The following PPM1K variants were observed in gnomAD, a reference collection of about 807,000 sequenced individuals.
The protein encoded by PPM1K is protein phosphatase, Mg2+/Mn2+ dependent 1K, also known as protein phosphatase Mn(2+)-dependent 1K.
In PPM1K, 19 loss-of-function variants were observed where a neutral mutation model predicts 32.6. That is an observed-to-expected ratio of 0.58 (90% CI 0.41 to 0.86). The LOEUF is 0.86. Ranked by LOEUF, PPM1K falls within the 40% of genes least tolerant of loss-of-function variation. The pLI is 0.00. For synonymous variants in PPM1K, 159 were observed against 165.3 expected, an observed-to-expected ratio of 0.96 and a Z score of 0.29; for missense variants, 362 against 461.2, an observed-to-expected ratio of 0.78 and a Z score of 1.97.
intron 1 of PPM1K, among the ~76,000 whole-genome samples, chr4:88,281,027 T>C (rs1306917714): frequency 1.3e-5 from 2 of 152,168 alleles, no homozygotes; most frequent in Non-Finnish European, 2.9e-5. Flanking sequence ...AGGTGATGAA[T>C]TGAGACTTCA....
chr4:88,277,327 TC>T, intron 2 of PPM1K, 84 bp from the exon 3 acceptor site: 1 of 901,150 alleles, frequency 1.1e-6, no homozygotes, highest in Non-Finnish European at 1.8e-6. Context: ...TAGCAGTCAT[TC>T]CACACAACGG....
intron 3 of PPM1K, among the ~76,000 whole-genome samples, chr4:88,273,679 C>CA (rs72431742): frequency 0.04 from 4,082 of 100,992 alleles, 121 homozygotes; most frequent in African/African-American, 0.11. Flanking sequence ...AAAACTGTCT[C>CA]AAAAAAAAAA....
chr4:88,279,966 A>G (rs1429905155), intron 1 of PPM1K, among the ~76,000 whole-genome samples: 1 of 152,176 alleles, frequency 6.6e-6, no homozygotes, highest in African/African-American at 2.4e-5. Context: ...GAGAAAATGC[A>G]CTACAGATTT....
chr4:88,268,145 T>C lies in PPM1K; in HGVS notation c.852+45A>G, dbSNP rs781619428. On this transcript the variant is annotated intron_variant, in intron 5 of 6. Transcript: ENST00000608933. ...AAGGTGCAGCAGAGACAATCCTACA[T>C]TCACTCTCCGCAGGTTTATCAAGTG... The C allele has an allele frequency of 2.5e-6, 4 of 1,597,064 alleles. No homozygotes were observed. In the South Asian group the frequency reaches 3.3e-5, roughly 13 times the overall value.
At chr4:88,267,981 G>A (rs1253000661) in intron 5 of PPM1K, among the ~76,000 whole-genome samples, 2 of 152,068 alleles carry the variant, frequency 1.3e-5, no homozygotes, top group Admixed American at 6.5e-5. Context: ...CTAAAAAGGG[G>A]GAAAAAGAGA....
In PPM1K at chr4:88,260,002, A is replaced by G. The variant is rs1465525202; in HGVS notation, c.*2593T>C. ...CTCATCTTAGTTTTTAAAGTAAAAG[A>G]TAGGAATAGTAATGTAAAGCATTCA... On this transcript the variant is annotated 3_prime_UTR_variant, in exon 7 of 7. Coordinates refer to ENST00000608933, the MANE Select transcript of PPM1K (RefSeq NM_152542.5). 1 of 152,232 alleles carries G rather than the reference A, an allele frequency of 6.6e-6. No homozygotes were observed. Among genetic ancestry groups the G allele is most frequent in the Non-Finnish European group, 1.5e-5 (1 of 68,054 alleles). The allele number at this position is 152,232 out of a possible 1,614,324, so 9.4% of individuals were successfully genotyped here. A position where few individuals can be genotyped will look rare whatever the true frequency, so the allele number is the denominator to read the frequency against.
intron 1 of PPM1K, among the ~76,000 whole-genome samples, chr4:88,283,107 C>T (rs2110177487): frequency 6.6e-6 from 1 of 152,334 alleles, no homozygotes. Context: ...ACACCACAAA[C>T]CATGGCTGTT....
At chr4:88,276,967 T>G in intron 3 of PPM1K, 176 bp downstream of exon 3, 1 of 658,306 alleles carries the variant, frequency 1.5e-6, no homozygotes, top group Non-Finnish European at 2.4e-6. Flanking sequence ...TAACATTAAT[T>G]GGAGTTCCCA....
chr4:88,265,339 G>A (rs1731263307), intron 5 of PPM1K, among the ~76,000 whole-genome samples: 1 of 152,162 alleles, frequency 6.6e-6, no homozygotes, highest in African/African-American at 2.4e-5. Context: ...GGACCTGGTA[G>A]GAGGTAACTG....
chr4:88,275,007 TC>T (rs1262685944), intron 3 of PPM1K: 2 of 695,386 alleles, frequency 2.9e-6, no homozygotes, highest in African/African-American at 3.9e-5. Context: ...ATAGACCTTT[TC>T]TTTTAGTACA....
At chr4:88,276,905 G>T in intron 3 of PPM1K, 2 of 849,878 alleles carry the variant, frequency 2.4e-6, no homozygotes, top group Admixed American at 4.1e-5. Context: ...ACTGTTTCGG[G>T]GCTTCTCTTT....
At chr4:88,282,112 CTT>C (rs936158571) in intron 1 of PPM1K, among the ~76,000 whole-genome samples, 1 of 152,124 alleles carries the variant, frequency 6.6e-6, no homozygotes, top group African/African-American at 2.4e-5. Context: ...GAGAAGGAAT[CTT>C]TTTAAGTAAG....
In PPM1K at chr4:88,260,233, G is replaced by C. The variant is rs1731067617; in HGVS notation, c.*2362C>G. On this transcript the variant is annotated 3_prime_UTR_variant, in exon 7 of 7. Transcript: ENST00000608933. ...CGCCTGGCTAATTTTTGCATTTTTT[G>C]GTCAAGATGAGGTTTCACCATGTTG... 6.6e-6 allele frequency: 1 copy of C among 151,930 alleles called. No homozygotes were observed. Among genetic ancestry groups the C allele is most frequent in the Admixed American group, 6.6e-5 (1 of 15,224 alleles). 9.4% of individuals were successfully genotyped at this position (151,930 alleles called of 1,614,324 possible). A position where few individuals can be genotyped will look rare whatever the true frequency, so the allele number is the denominator to read the frequency against.
At chr4:88,275,597 T>C (rs1284483676) in intron 3 of PPM1K, 2 of 985,260 alleles carry the variant, frequency 2.0e-6, no homozygotes, top group Admixed American at 1.2e-4. Context: ...TGGGATAAAT[T>C]TGGACATTCT....
At chr4:88,270,383 C>T (rs1731511427) in intron 3 of PPM1K, among the ~76,000 whole-genome samples, 1 of 152,134 alleles carries the variant, frequency 6.6e-6, no homozygotes, top group Non-Finnish European at 1.5e-5. Flanking sequence ...TTGGAACTGT[C>T]GTGCCAATGT....
chr4:88,264,501 A>G (rs938513568), intron 6 of PPM1K, among the ~76,000 whole-genome samples: 9 of 152,178 alleles, frequency 5.9e-5, no homozygotes, highest in Non-Finnish European at 1.2e-4. Flanking sequence ...TTAACGGTCA[A>G]GTGGTTGGAC....
In PPM1K at chr4:88,268,309, C is replaced by T; in HGVS notation, c.733G>A (p.Ala245Thr). ...TGAGGCTGCCCCAAACTATTCCAAGCTACAAAACCACCACATTTCTTGATC... is the reference window on the plus strand; with the variant it reads ...TGAGGCTGCCCCAAACTATTCCAAGTTACAAAACCACCACATTTCTTGATC... ...ERIKKCGGFV[A>T]WNSLGQPHVN... The change falls in exon 5 of 7, where the codon GCT (alanine) becomes ACT (threonine). Residue 245 changes from alanine (A) to threonine (T), a missense_variant. Transcript: ENST00000608933. 1 of 1,614,208 alleles carries T rather than the reference C, an allele frequency of 6.2e-7. No individual in the cohort carries two copies. The highest frequency in any genetic ancestry group is 8.5e-7 in the Non-Finnish European group (1 of 1,180,026).
Position 88,262,423 on chromosome 4 carries a change from A to G in PPM1K, c.*172T>C, listed in dbSNP as rs890575467. 9.5e-6 allele frequency: 6 copies of G among 631,204 alleles called. No homozygotes were observed. In the Admixed American group the frequency reaches 1.9e-4, roughly 20 times the overall value. The allele number at this position is 631,204 out of a possible 1,614,324, so 39.1% of individuals were successfully genotyped here. A position where few individuals can be genotyped will look rare whatever the true frequency, so the allele number is the denominator to read the frequency against. On this transcript the variant is annotated 3_prime_UTR_variant, in exon 7 of 7. Transcript: ENST00000608933. Reference sequence around the variant, plus strand: ...CACTACACATATATTTATACTGAACATGTACAGCGGAACATAAATATGATG... The same window carrying G: ...CACTACACATATATTTATACTGAACGTGTACAGCGGAACATAAATATGATG...
Position 88,270,981 on chromosome 4 carries a change from A to G in PPM1K, c.542-2075T>C, listed in dbSNP as rs755047316. The G allele has an allele frequency of 1.5e-5, 6 of 393,890 alleles. No homozygotes were observed. The East Asian group carries it at 4.0e-4, about 26-fold the overall frequency. 24.4% of individuals were successfully genotyped at this position (393,890 alleles called of 1,614,324 possible). On this transcript the variant is annotated intron_variant, in intron 3 of 6. Coordinates refer to ENST00000608933, the MANE Select transcript of PPM1K (RefSeq NM_152542.5). ...AACTAGAAAACTAAGACATCTTTCA[A>G]TAAGTTCTTAACACTCACTGGACAA...
Sources: allele counts gnomAD v4.1 joint callset (sites outside exome capture counted in the v4.1 genomes callset), GRCh38; gene constraint gnomAD v4.1.1; transcripts MANE v1.5; gene names NCBI Gene and HGNC (gene_info 2026-07-23, HGNC 2026-07-21).